Variants in RCOR1 observed in about 807,000 individuals in gnomAD.
RCOR1 encodes the protein REST corepressor.
A neutral mutation model predicts 64.0 loss-of-function variants in RCOR1; 12 were observed. The ratio of observed to expected loss-of-function variants is 0.19; its 90% CI spans 0.12 to 0.30. The LOEUF (loss-of-function observed/expected upper bound fraction) is 0.30, where lower values mean the gene tolerates loss of function less well. Among genes scored for constraint, RCOR1 ranks in the 10% least tolerant of loss-of-function variants. RCOR1 has a pLI of 1.00. For synonymous variants in RCOR1, 279 were observed against 227.2 expected (o/e 1.23, Z -2.05); for missense variants, 502 against 621.2 (o/e 0.81, Z 2.04).
chr14:102,715,320 C>T (rs1896048587), intron 8 of RCOR1, among the ~76,000 whole-genome samples: 1 of 151,970 alleles, frequency 6.6e-6, no homozygotes, highest in South Asian at 2.1e-4. Flanking sequence ...ATCCACCCGC[C>T]TCGGCCTCCC....
At chr14:102,598,977 A>G (rs908069604) in intron 2 of RCOR1, among the ~76,000 whole-genome samples, 12 of 152,028 alleles carry the variant, frequency 7.9e-5, no homozygotes, top group African/African-American at 2.9e-4. Context: ...TCTGCCGCAG[A>G]TTATGCTGAG....
chr14:102,675,965 C>A (rs1248855427), intron 2 of RCOR1, among the ~76,000 whole-genome samples: 3 of 151,304 alleles, frequency 2.0e-5, no homozygotes, highest in Non-Finnish European at 4.4e-5. Context: ...GTGTACTGTT[C>A]CAGTATATGG....
intron 2 of RCOR1, chr14:102,643,209 G>A (rs1894408050): frequency 4.2e-6 from 1 of 237,654 alleles, no homozygotes. Flanking sequence ...GTGAACCCGG[G>A]AGGCGGAGCT....
At chr14:102,621,677 C>G (rs535676845) in intron 2 of RCOR1, among the ~76,000 whole-genome samples, 1 of 149,738 alleles carries the variant, frequency 6.7e-6, no homozygotes, top group Non-Finnish European at 1.5e-5. Flanking sequence ...GTAGACATTG[C>G]TCAGTACATA....
chr14:102,598,740 G>A (rs1232203191), intron 2 of RCOR1, among the ~76,000 whole-genome samples: 1 of 152,050 alleles, frequency 6.6e-6, no homozygotes, highest in South Asian at 2.1e-4. Context: ...GAGCCGCCAC[G>A]CCTGGCCCTG....
At chr14:102,715,361 G>A (rs1405365211) in intron 8 of RCOR1, among the ~76,000 whole-genome samples, 2 of 148,198 alleles carry the variant, frequency 1.3e-5, no homozygotes, top group Non-Finnish European at 3.0e-5. Context: ...GTGAGCCACC[G>A]CGCCCGGCCC....
At chr14:102,657,717 A>G (rs750705657) in intron 2 of RCOR1, 18 of 385,058 alleles carry the variant, frequency 4.7e-5, no homozygotes, top group Non-Finnish European at 4.3e-5. Flanking sequence ...GCGTGCCTGT[A>G]ATCCCAGCTA....
intron 2 of RCOR1, among the ~76,000 whole-genome samples, chr14:102,639,271 T>C (rs1329337597): frequency 1.3e-5 from 2 of 148,902 alleles, no homozygotes; most frequent in Non-Finnish European, 3.0e-5. Context: ...TTTCTTTTTT[T>C]TTTTTTTTTT....
Position 102,722,428 on chromosome 14 carries a change from A to G in RCOR1, c.1419+12A>G. The G allele has an allele frequency of 6.3e-7, 1 of 1,595,750 alleles. No individual in the cohort carries two copies. The highest frequency in any genetic ancestry group is 8.6e-7 in the Non-Finnish European group (1 of 1,165,388). ...AAGAGGAAGACGAGGTAAATCTGAAACAAAACAGTCACTTCTCTTGTCAGG... is the reference window on the plus strand; with the variant it reads ...AAGAGGAAGACGAGGTAAATCTGAAGCAAAACAGTCACTTCTCTTGTCAGG... On this transcript the variant is annotated intron_variant, in intron 11 of 11. Transcript: ENST00000262241.
chr14:102,714,724 AT>A, intron 8 of RCOR1, 107 bp downstream of exon 8: 1 of 888,388 alleles, frequency 1.1e-6, no homozygotes, highest in Non-Finnish European at 1.7e-6. Context: ...TCAAAGGAGC[AT>A]TTTGTTTCGA....
intron 2 of RCOR1, among the ~76,000 whole-genome samples, chr14:102,675,014 C>T (rs1895111448): frequency 7.4e-6 from 1 of 135,722 alleles, no homozygotes; most frequent in Non-Finnish European, 1.5e-5. Context: ...AAGATCTGCA[C>T]TCTAGCCTGG....
chr14:102,596,100 C>A (rs1363304486), intron 2 of RCOR1, among the ~76,000 whole-genome samples: 2 of 151,098 alleles, frequency 1.3e-5, no homozygotes, highest in African/African-American at 4.9e-5. Flanking sequence ...AGAAATGATA[C>A]AACATTTTTT....
chr14:102,613,863 G>A (rs1893689107), intron 2 of RCOR1, among the ~76,000 whole-genome samples: 3 of 144,428 alleles, frequency 2.1e-5, no homozygotes, highest in South Asian at 4.4e-4. Flanking sequence ...GCTGAGATAG[G>A]TTGTTTTTTG....
intron 2 of RCOR1, among the ~76,000 whole-genome samples, chr14:102,659,953 C>T (rs1446346924): frequency 6.6e-6 from 1 of 152,176 alleles, no homozygotes; most frequent in Non-Finnish European, 1.5e-5. Context: ...CAGACACTGA[C>T]TTTCGTAATA....
At chr14:102,722,525 A>G (rs1896185894) in intron 11 of RCOR1, 109 bp downstream of exon 11, 3 of 812,892 alleles carry the variant, frequency 3.7e-6, no homozygotes, top group South Asian at 1.7e-5. Context: ...TATCAGCTGT[A>G]TTAGTAACTT....
intron 3 of RCOR1, among the ~76,000 whole-genome samples, chr14:102,687,420 G>A (rs1006530975): frequency 2.0e-5 from 3 of 152,148 alleles, no homozygotes; most frequent in African/African-American, 4.8e-5. Context: ...GTAATTCAAC[G>A]CTTAAAACAT....
At chr14:102,598,905 C>T (rs868334319) in intron 2 of RCOR1, among the ~76,000 whole-genome samples, 1 of 152,018 alleles carries the variant, frequency 6.6e-6, no homozygotes, top group Non-Finnish European at 1.5e-5. Context: ...CTAAGTGCAG[C>T]CCTACACTTT....
chr14:102,664,395 A>G (rs911867873), intron 2 of RCOR1, among the ~76,000 whole-genome samples: 1 of 152,186 alleles, frequency 6.6e-6, no homozygotes, highest in South Asian at 2.1e-4. Context: ...GATTACAGGT[A>G]TGAGCCACCA....
chr14:102,655,309 A>G, intron 2 of RCOR1: 1 of 984,958 alleles, frequency 1.0e-6, no homozygotes, highest in Non-Finnish European at 1.2e-6. Flanking sequence ...CTGTTTAAAT[A>G]CTGGAGAATA....
Sources: allele counts gnomAD v4.1 joint callset (sites outside exome capture counted in the v4.1 genomes callset), GRCh38; gene constraint gnomAD v4.1.1; transcripts MANE v1.5; gene names NCBI Gene and HGNC (gene_info 2026-07-23, HGNC 2026-07-21).